Variants in PXN observed in about 807,000 individuals in gnomAD.
The protein encoded by PXN is testicular tissue protein Li 134.
PXN carries 61 observed loss-of-function variants against 103.6 expected under a neutral mutation model. That is an observed-to-expected ratio of 0.59 (90% CI 0.48 to 0.73). The LOEUF is 0.73. PXN is among the 30% of genes least tolerant of loss of function. PXN has a pLI of 0.00. For missense variants in PXN, 1,274 were observed against 1,460.3 expected (o/e 0.87, Z 2.08); for synonymous variants, 562 against 607.8 (o/e 0.92, Z 1.11).
rs1460719543 is a variant in PXN, at chr12:120,215,190, C to T, written c.2487G>A (p.Gly829=). ...GCTTGTTCAGGTCAGACTGCAGGCTCCCCAGCATGCTGTCCAGCTGGCTCC... is the reference window on the plus strand; with the variant it reads ...GCTTGTTCAGGTCAGACTGCAGGCTTCCCAGCATGCTGTCCAGCTGGCTCC... ...KPGSQLDSML[G]SLQSDLNKLG... is the part of the protein sequence containing the mutation. The change falls in exon 11 of 15, where the codon GGG becomes GGA. Residue 829 remains glycine, a synonymous_variant. Transcript: ENST00000637617. The surrounding 1 kb of genome is among the most constrained non-coding windows in gnomAD (Gnocchi z 4.9). The T allele has an allele frequency of 6.3e-6, 10 of 1,593,364 alleles. No homozygotes were observed. Among genetic ancestry groups the T allele is most frequent in the Middle Eastern group, 1.7e-4 (1 of 5,994 alleles).
intron 1 of PXN, among the ~76,000 whole-genome samples, chr12:120,227,404 G>A (rs1015167574): frequency 6.6e-6 from 1 of 152,228 alleles, no homozygotes; most frequent in African/African-American, 2.4e-5. Flanking sequence ...AGGAGGCTGA[G>A]GCAGGAGGAT....
Position 120,216,606 on chromosome 12 carries a change from C to G in PXN, c.1993-25G>C. 1 of 1,485,954 alleles carries G rather than the reference C, an allele frequency of 6.7e-7. No individual in the cohort carries two copies. The highest frequency in any genetic ancestry group is 1.5e-5 in the African/African-American group (1 of 68,836). 92.0% of individuals were successfully genotyped at this position (1,485,954 alleles called of 1,614,324 possible). ...CCTGGGGAGAAGAAAGGAGGGAGAG[C>G]GATGAGGAAGAAATCGCCAGCTCAG... On this transcript the variant is annotated intron_variant, in intron 8 of 14. Transcript: ENST00000637617. The surrounding 1 kb of genome is among the most constrained non-coding windows in gnomAD (Gnocchi z 5.1).
chr12:120,239,999 C>T (rs1356178282), intron 1 of PXN, among the ~76,000 whole-genome samples: 6 of 150,938 alleles, frequency 4.0e-5, no homozygotes, highest in African/African-American at 1.5e-4. Flanking sequence ...AGTGAGTATG[C>T]AACAAAAATG....
chr12:120,215,862 G>C lies in PXN; in HGVS notation c.2302-201C>G. 1 of 1,311,634 alleles carries C rather than the reference G, an allele frequency of 7.6e-7. No homozygotes were observed. Among genetic ancestry groups the C allele is most frequent in the Non-Finnish European group, 1.0e-6 (1 of 1,000,038 alleles). 81.2% of individuals were successfully genotyped at this position (1,311,634 alleles called of 1,614,324 possible). On this transcript the variant is annotated intron_variant, in intron 9 of 14. Transcript: ENST00000637617. This position sits in a 1 kb window ranked among gnomAD's most constrained non-coding sequence, Gnocchi z 4.9. ...CTAGGGAGAAAGGAAGAAGGACAGGGAGGGGAGTCGACCAAAGGCAGAGGA... is the reference window on the plus strand; with the variant it reads ...CTAGGGAGAAAGGAAGAAGGACAGGCAGGGGAGTCGACCAAAGGCAGAGGA...
At chr12:120,251,280 G>T (rs1217407706) in intron 1 of PXN, among the ~76,000 whole-genome samples, 1 of 152,068 alleles carries the variant, frequency 6.6e-6, no homozygotes, top group Non-Finnish European at 1.5e-5. Flanking sequence ...CACTTTGGGA[G>T]GCCAAGGCAG....
intron 1 of PXN, among the ~76,000 whole-genome samples, chr12:120,227,290 C>T (rs1298203462): frequency 6.6e-6 from 1 of 152,092 alleles, no homozygotes; most frequent in African/African-American, 2.4e-5. Context: ...CACTTGAGAA[C>T]AGGAGTTGGA....
In PXN at chr12:120,216,391, G is replaced by A; in HGVS notation, c.2183C>T (p.Ala728Val). 7.5e-7 allele frequency: 1 copy of A among 1,340,528 alleles called. No individual in the cohort carries two copies. Among genetic ancestry groups the A allele is most frequent in the Non-Finnish European group, 9.5e-7 (1 of 1,053,186 alleles). 83.0% of individuals were successfully genotyped at this position (1,340,528 alleles called of 1,614,324 possible). The change falls in exon 9 of 15, where the codon GCA (alanine) becomes GTA (valine). Residue 728 changes from alanine (A) to valine (V), a missense_variant. Physicochemically the swap from Ala to Val is moderately conservative, Grantham distance 64 (BLOSUM62 0). Coordinates refer to ENST00000637617, the MANE Select transcript of PXN (RefSeq NM_001385981.1). This position sits in a 1 kb window ranked among gnomAD's most constrained non-coding sequence, Gnocchi z 5.1. Reference protein sequence around the residue: ...YTCGSSGVQSAGEEPHDEGVQ... With the variant: ...YTCGSSGVQSVGEEPHDEGVQ... The stretch of plus-strand genomic sequence containing the variant: ...CCCCTCATCATGGGGCTCTTCCCCT[G>A]CACTCTGGACCCCAGAAGAACCACA...
chr12:120,249,692 ATCT>A (rs1891831484), intron 1 of PXN, among the ~76,000 whole-genome samples: 2 of 152,140 alleles, frequency 1.3e-5, no homozygotes, highest in Non-Finnish European at 1.5e-5. Context: ...CCAGGTAACG[ATCT>A]TCTTCCCCAG....
chr12:120,248,516 A>ACACACT (rs1891582238), intron 1 of PXN, among the ~76,000 whole-genome samples: 1 of 151,212 alleles, frequency 6.6e-6, no homozygotes, highest in South Asian at 2.1e-4. Flanking sequence ...ACACACACAC[A>ACACACT]CACACACACA....
Position 120,224,715 on chromosome 12 carries a change from T to C in PXN, c.14-338A>G. On this transcript the variant is annotated intron_variant, in intron 1 of 14. Coordinates refer to ENST00000637617, the MANE Select transcript of PXN (RefSeq NM_001385981.1). The surrounding 1 kb of genome is among the most constrained non-coding windows in gnomAD (Gnocchi z 5.0). ...CGCAGCCGCGAGTGAAGTGCCTGTC[T>C]GGAACTCTGAATCTGCAGGGCAACG... 1.8e-6 allele frequency: 1 copy of C among 556,546 alleles called. No individual in the cohort carries two copies. The highest frequency in any genetic ancestry group is 3.4e-6 in the Non-Finnish European group (1 of 292,288). The allele number at this position is 556,546 out of a possible 1,614,324, so 34.5% of individuals were successfully genotyped here.
At chr12:120,242,770 A>C (rs1458393068) in intron 1 of PXN, among the ~76,000 whole-genome samples, 2 of 151,974 alleles carry the variant, frequency 1.3e-5, no homozygotes, top group Non-Finnish European at 2.9e-5. Flanking sequence ...AATCCCAGCT[A>C]TTCAGGAGGC....
At chr12:120,242,202 T>G (rs1704905462) in intron 1 of PXN, among the ~76,000 whole-genome samples, 2 of 152,128 alleles carry the variant, frequency 1.3e-5, no homozygotes, top group Admixed American at 6.5e-5. Context: ...AATTATATGG[T>G]ACCCTTCTCC....
Position 120,235,452 on chromosome 12 carries a change from G to C in PXN, c.14-11075C>G, listed in dbSNP as rs893124659. 8.5e-5 allele frequency among the ~76,000 whole-genome samples: 13 copies of C among 152,048 alleles called. No homozygotes were observed. The East Asian group carries it at 2.5e-3, about 29-fold the overall frequency. ...AGAGCCGCCCCATAAGGCCCCACGA[G>C]GACTGCGCTGCCTGACTGCAGAGAT... On this transcript the variant is annotated intron_variant, in intron 1 of 14. Coordinates refer to ENST00000637617, the MANE Select transcript of PXN (RefSeq NM_001385981.1).
chr12:120,244,909 G>C (rs192468252), intron 1 of PXN, among the ~76,000 whole-genome samples: 34 of 152,088 alleles, frequency 2.2e-4, no homozygotes, highest in African/African-American at 8.2e-4. Flanking sequence ...TTTGTGGCTG[G>C]AGCATAGCCC....
At chr12:120,253,429 C>T (rs1263292911) in intron 1 of PXN, among the ~76,000 whole-genome samples, 1 of 151,576 alleles carries the variant, frequency 6.6e-6, no homozygotes, top group Admixed American at 6.6e-5. Flanking sequence ...GCTGAGATCA[C>T]GCCACTGCAC....
Position 120,263,416 on chromosome 12 carries a change from A to G in PXN, c.13+2201T>C, listed in dbSNP as rs149243912. 9.0e-4 allele frequency among the ~76,000 whole-genome samples: 137 copies of G among 152,314 alleles called. 1 individual carries two copies. Among genetic ancestry groups the G allele is most frequent in the African/African-American group, 3.2e-3 (132 of 41,576 alleles). ...TCTATGGTAGAAAGCAGTAGAAGTT[A>G]CAGGTGATCGCCATCACCCAGTGGC... On this transcript the variant is annotated intron_variant, in intron 1 of 14. Transcript: ENST00000637617.
chr12:120,230,891 G>A (rs1887900830), intron 1 of PXN, among the ~76,000 whole-genome samples: 2 of 152,136 alleles, frequency 1.3e-5, no homozygotes, highest in South Asian at 4.1e-4. Context: ...CTCCTTGAGG[G>A]GCCTTCCCTG....
At chr12:120,264,491 C>A (rs868508465) in intron 1 of PXN, among the ~76,000 whole-genome samples, 1 of 152,188 alleles carries the variant, frequency 6.6e-6, no homozygotes, top group African/African-American at 2.4e-5. Flanking sequence ...CCTGCGTTCA[C>A]GCCACCCAAG....
At chr12:120,226,495 C>T in intron 1 of PXN, 1 of 1,265,922 alleles carries the variant, frequency 7.9e-7, no homozygotes, top group Non-Finnish European at 1.0e-6. Context: ...CTCCAAACAC[C>T]CAACAGAAGA....
Sources: allele counts gnomAD v4.1 joint callset (sites outside exome capture counted in the v4.1 genomes callset), GRCh38; gene constraint gnomAD v4.1.1; non-coding constraint Gnocchi (gnomAD v3.1); transcripts MANE v1.5; gene names NCBI Gene and HGNC (gene_info 2026-07-23, HGNC 2026-07-21).